Variants in AGBL1 observed in about 807,000 individuals in gnomAD.
The protein encoded by AGBL1 is cytosolic carboxypeptidase 4.
A neutral mutation model predicts 118.9 loss-of-function variants in AGBL1; 130 were observed. The observed-to-expected ratio is 1.09, with a 90% CI of 0.95 to 1.26. The LOEUF (loss-of-function observed/expected upper bound fraction) is 1.26. Ranked by LOEUF, AGBL1 falls within the 50% of genes most tolerant of loss-of-function variation. The pLI is 0.00. For synonymous variants in AGBL1, 555 were observed against 478.9 expected, an observed-to-expected ratio of 1.16 and a Z score of -2.08; for missense variants, 1,584 against 1,298.1, an observed-to-expected ratio of 1.22 and a Z score of -3.38.
intron 18 of AGBL1, among the ~76,000 whole-genome samples, chr15:86,495,580 A>G (rs1251613547): frequency 2.6e-5 from 4 of 151,958 alleles, no homozygotes; most frequent in Admixed American, 2.6e-4. Context: ...AGGTCATGGT[A>G]GAGGTAACTA....
At chr15:86,895,266 T>A (rs2080109099) in intron 22 of AGBL1, among the ~76,000 whole-genome samples, 1 of 152,070 alleles carries the variant, frequency 6.6e-6, no homozygotes, top group Non-Finnish European at 1.5e-5. Flanking sequence ...TTTTAAGCCT[T>A]GAGAAAAATA....
chr15:86,142,032 C>T lies in AGBL1; in HGVS notation c.80C>T (p.Thr27Ile). ...QSSSDKESIL[T>I]ILKVLGDLLS... is the part of the protein sequence containing the mutation. ...TCCTCTGACAAGGAGTCCATCCTGA[C>T]CATCCTCAAGGTCCTCGGAGATCTG... The change falls in exon 2 of 23, where the codon ACC becomes ATC. Residue 27 changes from threonine to isoleucine, a missense_variant. By Grantham distance (89) the Thr-to-Ile change is moderately conservative (BLOSUM62 -1). Coordinates refer to ENST00000614907, the MANE Select transcript of AGBL1 (RefSeq NM_001386094.1). 6.5e-7 allele frequency: 1 copy of T among 1,550,224 alleles called. No homozygotes were observed. Among genetic ancestry groups the T allele is most frequent in the Non-Finnish European group, 8.7e-7 (1 of 1,146,808 alleles).
chr15:86,370,649 GAT>G (rs1439109980), intron 17 of AGBL1, among the ~76,000 whole-genome samples: 17 of 152,278 alleles, frequency 1.1e-4, no homozygotes, highest in African/African-American at 3.8e-4. Flanking sequence ...CACAGCCTGT[GAT>G]ATCTAACCTG....
chr15:86,222,601 C>T (rs1213199177), intron 5 of AGBL1, among the ~76,000 whole-genome samples: 1 of 152,112 alleles, frequency 6.6e-6, no homozygotes, highest in Non-Finnish European at 1.5e-5. Context: ...GGACTTTGGC[C>T]TCAAATCTTA....
intron 18 of AGBL1, among the ~76,000 whole-genome samples, chr15:86,466,834 C>T (rs931810942): frequency 2.6e-5 from 4 of 152,222 alleles, no homozygotes; most frequent in African/African-American, 9.6e-5. Flanking sequence ...GGCTGCAGAA[C>T]AGCAAAAATT....
Position 86,159,019 on chromosome 15 carries a change from G to C in AGBL1, c.481G>C (p.Ala161Pro), listed in dbSNP as rs1444793190. The change falls in exon 5 of 23, where the codon GCA (alanine) becomes CCA (proline). Residue 161 changes from alanine (A) to proline (P), a missense_variant. Physicochemically the swap from Ala to Pro is conservative, Grantham distance 27. Transcript: ENST00000614907. ...ITPYTRKRTQ[A>P]IRAATEVLAA... ...TCCTTACACCCGAAAGCGCACCCAA[G>C]CAATCAGGTACAGAGTGCCATGTAA... The C allele has an allele frequency of 6.2e-7, 1 of 1,613,082 alleles. No homozygotes were observed. The highest frequency in any genetic ancestry group is 1.7e-5 in the Admixed American group (1 of 59,974).
In AGBL1 at chr15:86,151,831, C is replaced by G. The variant is rs527467365; in HGVS notation, c.263-2599C>G. On this transcript the variant is annotated intron_variant, in intron 3 of 22. Coordinates refer to ENST00000614907, the MANE Select transcript of AGBL1 (RefSeq NM_001386094.1). ...CTGATAAGCAACTTCAGCAAAGTCT[C>G]AGGATACAAAATCAATGTGCAAAAA... Among the ~76,000 whole-genome samples the G allele has an allele frequency of 1.3e-3, 204 of 152,316 alleles. 1 individual carries two copies. The highest frequency in any genetic ancestry group is 2.7e-3 in the South Asian group (13 of 4,826).
intron 22 of AGBL1, among the ~76,000 whole-genome samples, chr15:86,776,312 A>G (rs927999728): frequency 8.5e-5 from 13 of 152,060 alleles, no homozygotes; most frequent in African/African-American, 3.1e-4. Flanking sequence ...CTACTTCCTC[A>G]TCGTAACTTG....
chr15:87,029,812 C>A (rs1346107217), downstream of AGBL1, among the ~76,000 whole-genome samples: 1 of 151,888 alleles, frequency 6.6e-6, no homozygotes, highest in African/African-American at 2.4e-5. Flanking sequence ...CACATACACA[C>A]ACACACGTAC....
chr15:86,947,555 T>A (rs2080838847), intron 23 of AGBL1, among the ~76,000 whole-genome samples: 1 of 152,218 alleles, frequency 6.6e-6, no homozygotes, highest in Non-Finnish European at 1.5e-5. Context: ...GAATTTTTTA[T>A]TAATTTATTT....
rs929632739 is a variant in AGBL1 at position 87,007,497 on chromosome 15, A to G, written c.3323+19409A>G. 7.2e-5 allele frequency among the ~76,000 whole-genome samples: 11 copies of G among 152,326 alleles called. No homozygotes were observed. In the East Asian group the frequency reaches 2.1e-3, roughly 29 times the overall value. ...ATATTGGTATTTCTGATTTCTTTACAAAACAACATACTTTTTCTTGATACA... is the reference window on the plus strand; with the variant it reads ...ATATTGGTATTTCTGATTTCTTTACGAAACAACATACTTTTTCTTGATACA... On this transcript the variant is annotated intron_variant, in intron 24 of 24. Transcript: ENST00000441037.
At chr15:86,275,620 C>T (rs913500291) in intron 15 of AGBL1, among the ~76,000 whole-genome samples, 1 of 152,174 alleles carries the variant, frequency 6.6e-6, no homozygotes, top group African/African-American at 2.4e-5. Flanking sequence ...TTGCTCCTTG[C>T]TTCATTGAAG....
At chr15:86,796,066 T>C (rs1274768695) in intron 22 of AGBL1, among the ~76,000 whole-genome samples, 4 of 152,092 alleles carry the variant, frequency 2.6e-5, no homozygotes, top group Non-Finnish European at 5.9e-5. Flanking sequence ...ACCAACTCTA[T>C]GAGGCACACA....
intron 1 of AGBL1, among the ~76,000 whole-genome samples, chr15:86,123,984 G>A (rs533776855): frequency 2.0e-5 from 3 of 152,266 alleles, no homozygotes; most frequent in East Asian, 3.9e-4. Context: ...GGAATGGAAC[G>A]AGGACATTAG....
chr15:86,339,243 A>G (rs1465440057), intron 17 of AGBL1, among the ~76,000 whole-genome samples: 1 of 152,140 alleles, frequency 6.6e-6, no homozygotes, highest in African/African-American at 2.4e-5. Flanking sequence ...CCGATAGGTA[A>G]GGTGTTATCC....
chr15:86,668,857 T>C (rs1354116895), intron 21 of AGBL1, among the ~76,000 whole-genome samples: 1 of 152,184 alleles, frequency 6.6e-6, no homozygotes, highest in Non-Finnish European at 1.5e-5. Context: ...TTCTTGGCCA[T>C]GTCTTTGGGT....
intron 3 of AGBL1, among the ~76,000 whole-genome samples, chr15:86,144,073 T>C (rs2077000688): frequency 1.3e-5 from 2 of 152,088 alleles, no homozygotes; most frequent in Admixed American, 6.6e-5. Context: ...AGAACAAACA[T>C]GGGCTACATG....
At chr15:86,905,461 A>G (rs2141589784) in intron 22 of AGBL1, among the ~76,000 whole-genome samples, 1 of 152,342 alleles carries the variant, frequency 6.6e-6, no homozygotes, top group South Asian at 2.1e-4. Context: ...CAGTTATTGC[A>G]GTAACCCAGG....
intron 5 of AGBL1, among the ~76,000 whole-genome samples, chr15:86,209,532 AG>A (rs1252550048): frequency 1.3e-5 from 2 of 152,062 alleles, no homozygotes; most frequent in Admixed American, 6.6e-5. Context: ...TAGGATAGTT[AG>A]CTCTTCTTGT....
Sources: gnomAD v4.1 joint callset for allele counts (sites outside exome capture counted in the v4.1 genomes callset) on GRCh38, gnomAD v4.1.1 for gene constraint, MANE v1.5 for transcripts, NCBI Gene and HGNC (gene_info 2026-07-23, HGNC 2026-07-21) for gene names.